Variants in IL1RAPL1 observed in about 807,000 individuals in gnomAD.
The protein encoded by IL1RAPL1 is interleukin-1 receptor accessory protein-like 1.
IL1RAPL1 carries 3 observed loss-of-function variants against 48.4 expected under a neutral mutation model. The ratio of observed to expected loss-of-function variants is 0.06; its 90% CI spans 0.03 to 0.16. The LOEUF (loss-of-function observed/expected upper bound fraction) is 0.16, where lower values mean the gene tolerates loss of function less well. Among genes scored for constraint, IL1RAPL1 ranks in the 10% least tolerant of loss-of-function variants. IL1RAPL1 has a pLI of 1.00. For synonymous variants in IL1RAPL1, 185 were observed against 187.7 expected, an observed-to-expected ratio of 0.99 and a Z score of 0.12; for missense variants, 349 against 530.6, an observed-to-expected ratio of 0.66 and a Z score of 3.36.
intron 2 of IL1RAPL1, among the ~76,000 whole-genome samples, chrX:29,081,020 CTTTCTTT>C (rs1271816438): frequency 1.4e-3 from 57 of 41,864 alleles, no homozygotes; most frequent in Admixed American, 1.6e-3. Flanking sequence ...CTCTCTCTCT[CTTTCTTT>C]TCTTTTCTTT....
intron 5 of IL1RAPL1, among the ~76,000 whole-genome samples, chrX:29,540,561 T>C (rs1237989895): frequency 1.8e-5 from 2 of 111,847 alleles, no homozygotes; most frequent in Non-Finnish European, 3.8e-5. Context: ...TTAAACTGCA[T>C]GGTACTGGTA....
At chrX:29,439,034 T>C (rs1475561089) in intron 5 of IL1RAPL1, among the ~76,000 whole-genome samples, 3 of 111,092 alleles carry the variant, frequency 2.7e-5, no homozygotes, top group African/African-American at 9.8e-5. Context: ...ATACCTCTCC[T>C]GTGGTCTGTT....
At chrX:28,915,534 A>G (rs1039737756) in intron 2 of IL1RAPL1, among the ~76,000 whole-genome samples, 1 of 111,670 alleles carries the variant, frequency 9.0e-6, no homozygotes, top group Non-Finnish European at 1.9e-5. Flanking sequence ...CATACTTTAC[A>G]TGTATGGGTT....
chrX:28,619,602 G>A (rs909901087), intron 1 of IL1RAPL1, among the ~76,000 whole-genome samples: 5 of 63,197 alleles, frequency 7.9e-5, no homozygotes, highest in Admixed American at 2.1e-4. Context: ...GTGAGACCCC[G>A]TCTCCAAAAA....
intron 6 of IL1RAPL1, among the ~76,000 whole-genome samples, chrX:29,802,785 G>GTATATATATATATATATATA (rs1569172713): frequency 4.8e-5 from 1 of 20,895 alleles, no homozygotes; most frequent in African/African-American, 1.9e-4. Flanking sequence ...ATATATATGT[G>GTATATATATATATATATATA]TGTGTGTATA....
At chrX:28,602,584 T>C (rs761409153) in intron 1 of IL1RAPL1, among the ~76,000 whole-genome samples, 69 of 112,388 alleles carry the variant, frequency 6.1e-4, no homozygotes, top group African/African-American at 2.2e-3. Context: ...TAAGAGTTAC[T>C]ATTTCCTGTT....
intron 5 of IL1RAPL1, among the ~76,000 whole-genome samples, chrX:29,467,499 A>G (rs1302752910): frequency 6.2e-5 from 7 of 112,211 alleles, no homozygotes; most frequent in Middle Eastern, 9.2e-3. Context: ...CAGCACTCAA[A>G]CCCCTTGAGG....
chrX:29,168,746 A>G (rs1297763794), intron 2 of IL1RAPL1, among the ~76,000 whole-genome samples: 1 of 96,239 alleles, frequency 1.0e-5, no homozygotes, highest in African/African-American at 3.6e-5. Context: ...CATATGTACA[A>G]TTGTATATAT....
chrX:29,349,888 T>A (rs1033267108), intron 3 of IL1RAPL1, among the ~76,000 whole-genome samples: 1 of 108,551 alleles, frequency 9.2e-6, no homozygotes, highest in African/African-American at 3.4e-5. Context: ...CAGATATAAA[T>A]AAATTAATAG....
chrX:28,828,246 T>A (rs1031021441), intron 2 of IL1RAPL1, among the ~76,000 whole-genome samples: 1 of 112,034 alleles, frequency 8.9e-6, no homozygotes, highest in African/African-American at 3.2e-5. Context: ...CTATATGAAG[T>A]CCCATCTCAG....
chrX:29,589,897 G>A (rs187183695), intron 5 of IL1RAPL1, among the ~76,000 whole-genome samples: 25 of 111,097 alleles, frequency 2.3e-4, no homozygotes, highest in Admixed American at 1.1e-3. Flanking sequence ...CGGCTTCTGG[G>A]GAAGCCTCAT....
At chrX:29,153,967 C>A (rs1328799499) in intron 2 of IL1RAPL1, among the ~76,000 whole-genome samples, 2 of 112,003 alleles carry the variant, frequency 1.8e-5, no homozygotes, top group Non-Finnish European at 3.8e-5. Context: ...AACTTAGAAA[C>A]CATCTCCTAC....
chrX:28,625,004 G>A (rs1002313757), intron 1 of IL1RAPL1, among the ~76,000 whole-genome samples: 2 of 111,841 alleles, frequency 1.8e-5, no homozygotes, highest in African/African-American at 6.5e-5. Flanking sequence ...TGAATTATAG[G>A]ATGGGATCAC....
chrX:28,969,904 C>CATATATGTTTCTAA (rs1925018485), intron 2 of IL1RAPL1, among the ~76,000 whole-genome samples: 2 of 43,002 alleles, frequency 4.7e-5, no homozygotes, highest in Non-Finnish European at 7.9e-5. Context: ...TGTTTCTAAA[C>CATATATGTTTCTAA]ACACATATAT....
chrX:29,954,067 C>G (rs1601899243), intron 9 of IL1RAPL1, among the ~76,000 whole-genome samples: 1 of 108,732 alleles, frequency 9.2e-6, no homozygotes, highest in East Asian at 2.9e-4. Flanking sequence ...GAAACCCCAT[C>G]TCTACTAAAA....
intron 2 of IL1RAPL1, among the ~76,000 whole-genome samples, chrX:29,071,641 T>C (rs193193874): frequency 8.9e-6 from 1 of 111,991 alleles, no homozygotes; most frequent in East Asian, 2.8e-4. Context: ...TGAGTTTATC[T>C]TCTTATCCCC....
intron 2 of IL1RAPL1, among the ~76,000 whole-genome samples, chrX:28,883,376 CTT>C (rs1922552552): frequency 8.9e-6 from 1 of 111,955 alleles, no homozygotes; most frequent in African/African-American, 3.2e-5. Flanking sequence ...GATGTTGAAA[CTT>C]TATCTATTGT....
intron 2 of IL1RAPL1, among the ~76,000 whole-genome samples, chrX:29,036,302 T>C (rs1926730693): frequency 8.9e-6 from 1 of 112,261 alleles, no homozygotes; most frequent in African/African-American, 3.2e-5. Flanking sequence ...AACATAAAGA[T>C]GGAATTCTGC....
chrX:29,122,396 TTC>T (rs1297656764), intron 2 of IL1RAPL1, among the ~76,000 whole-genome samples: 156 of 71,345 alleles, frequency 2.2e-3, no homozygotes, highest in African/African-American at 7.1e-3. Flanking sequence ...CTCTCTCTCT[TTC>T]TCTCTCTCTC....
Sources: allele counts gnomAD v4.1 joint callset (sites outside exome capture counted in the v4.1 genomes callset), GRCh38; gene constraint gnomAD v4.1.1; transcripts MANE v1.5; gene names NCBI Gene and HGNC (gene_info 2026-07-23, HGNC 2026-07-21).